The following PCDHA3 variants were observed in gnomAD, a reference collection of about 807,000 sequenced individuals.
PCDHA3 encodes the protein protocadherin alpha 3, also known as protocadherin alpha-3.
In PCDHA3, 41 loss-of-function variants were observed where a neutral mutation model predicts 62.2. The observed-to-expected ratio is 0.66, with a 90% CI of 0.51 to 0.86. The LOEUF (loss-of-function observed/expected upper bound fraction) is 0.86, where lower values mean the gene tolerates loss of function less well. Ranked by LOEUF, PCDHA3 falls within the 40% of genes least tolerant of loss-of-function variation. The pLI is 0.00. For missense variants in PCDHA3, 1,304 were observed against 1,241.2 expected, an observed-to-expected ratio of 1.05 and a Z score of -0.76; for synonymous variants, 640 against 555.4, an observed-to-expected ratio of 1.15 and a Z score of -2.14.
At chr5:140,824,200 T>G (rs2150133192) in intron 1 of PCDHA3, 1 of 1,596,192 alleles carries the variant, frequency 6.3e-7, no homozygotes, top group Non-Finnish European at 8.6e-7. Flanking sequence ...TCACCCACTT[T>G]TTTTGTATTT....
At chr5:140,910,925 TA>T (rs2075234137) in intron 1 of PCDHA3, among the ~76,000 whole-genome samples, 2 of 152,226 alleles carry the variant, frequency 1.3e-5, no homozygotes, top group South Asian at 4.2e-4. Flanking sequence ...CTTATATAAA[TA>T]AGAAAGCTCA....
chr5:140,823,089 C>T, intron 1 of PCDHA3: 1 of 1,614,036 alleles, frequency 6.2e-7, no homozygotes, highest in Non-Finnish European at 8.5e-7. Context: ...GGGCCACCGC[C>T]AGCGTGTCTG....
At chr5:140,841,928 G>A in intron 1 of PCDHA3, 2 of 1,613,910 alleles carry the variant, frequency 1.2e-6, no homozygotes, top group Admixed American at 1.7e-5. Context: ...CTTGGACAGA[G>A]AGGACGCTCC....
chr5:140,925,570 A>G (rs531387558), intron 1 of PCDHA3, among the ~76,000 whole-genome samples: 1 of 152,008 alleles, frequency 6.6e-6, no homozygotes, highest in African/African-American at 2.4e-5. Flanking sequence ...TGGGTGCAGC[A>G]CACCAACATG....
chr5:140,882,451 G>C, intron 1 of PCDHA3: 1 of 1,614,040 alleles, frequency 6.2e-7, no homozygotes. Flanking sequence ...AGCTGGTGCC[G>C]CGCCTGTTCC....
intron 1 of PCDHA3, chr5:140,805,739 T>C (rs1763624426): frequency 3.2e-6 from 1 of 316,764 alleles, no homozygotes; most frequent in Non-Finnish European, 4.6e-6. Context: ...GTTTTCAACA[T>C]TGAACTTGAA....
chr5:140,969,283 T>A, intron 1 of PCDHA3: 61 of 1,614,200 alleles, frequency 3.8e-5, no homozygotes, highest in Non-Finnish European at 5.2e-5. Flanking sequence ...GTGGTCAGAA[T>A]GCTGGGAACC....
chr5:140,871,022 A>ACT, intron 1 of PCDHA3: 1 of 1,613,114 alleles, frequency 6.2e-7, no homozygotes, highest in Non-Finnish European at 8.5e-7. Flanking sequence ...GACGAGGCAG[A>ACT]CTCGCCGCGC....
At chr5:140,811,968 G>A (rs2126633467) in intron 1 of PCDHA3, 8 of 150,734 alleles carry the variant, frequency 5.3e-5, no homozygotes, top group Non-Finnish European at 7.4e-5. Context: ...CACTCTGATT[G>A]TAGTTTCTTT....
chr5:140,849,832 C>G lies in PCDHA3; in HGVS notation c.2394+46241C>G. The G allele has an allele frequency of 6.3e-7, 1 of 1,598,398 alleles. No individual in the cohort carries two copies. The highest frequency in any genetic ancestry group is 1.1e-5 in the South Asian group (1 of 90,532). On this transcript the variant is annotated intron_variant, in intron 1 of 3. Coordinates refer to ENST00000522353, the MANE Select transcript of PCDHA3 (RefSeq NM_018906.3). ...ACGGCCAGGGTGTCTGTGGAGGTGGCCGACGTGAACGACAACGCACCAGCG... is the reference window on the plus strand; with the variant it reads ...ACGGCCAGGGTGTCTGTGGAGGTGGGCGACGTGAACGACAACGCACCAGCG...
At chr5:140,881,399 T>A in intron 1 of PCDHA3, 1 of 975,578 alleles carries the variant, frequency 1.0e-6, no homozygotes, top group Non-Finnish European at 1.2e-6. Flanking sequence ...TTAAATTCTA[T>A]TAAATCAATA....
At chr5:140,917,324 C>CGGG (rs1299895515) in intron 1 of PCDHA3, among the ~76,000 whole-genome samples, 10 of 76,182 alleles carry the variant, frequency 1.3e-4, no homozygotes, top group South Asian at 4.5e-4. Flanking sequence ...GTTCATGTGG[C>CGGG]GGGGGAGGGG....
At position 141,010,400 on chromosome 5, in the gene PCDHA3, T is replaced by C. The variant is rs145123720; in HGVS notation, c.*463T>C. 379 of 1,297,746 alleles carry C rather than the reference T, an allele frequency of 2.9e-4. No individual in the cohort carries two copies. Among genetic ancestry groups the C allele is most frequent in the Non-Finnish European group, 3.8e-4 (370 of 966,092 alleles). 80.4% of individuals were successfully genotyped at this position (1,297,746 alleles called of 1,614,324 possible). ...CAGATATTGGCTGAGACGAGCCAGC[T>C]TAGACTAATTGGTACAAGGAAGGCA... On this transcript the variant is annotated 3_prime_UTR_variant, in exon 4 of 4. Transcript: ENST00000522353.
chr5:140,901,549 A>T (rs1554189886), intron 1 of PCDHA3, among the ~76,000 whole-genome samples: 1 of 152,052 alleles, frequency 6.6e-6, no homozygotes, highest in Non-Finnish European at 1.5e-5. Context: ...ATTCTGTTCC[A>T]TTCATCTATG....
intron 1 of PCDHA3, among the ~76,000 whole-genome samples, chr5:140,919,389 TG>T (rs2079114384): frequency 6.6e-6 from 1 of 152,242 alleles, no homozygotes; most frequent in African/African-American, 2.4e-5. Context: ...AGTTGGATGT[TG>T]TTTTCCTAAA....
chr5:140,892,489 G>A (rs1554185225), intron 1 of PCDHA3, among the ~76,000 whole-genome samples: 1 of 152,180 alleles, frequency 6.6e-6, no homozygotes, highest in Non-Finnish European at 1.5e-5. Context: ...CCAAACATGA[G>A]AGATTGTTTA....
At chr5:140,862,809 G>A in intron 1 of PCDHA3, 1 of 572,722 alleles carries the variant, frequency 1.7e-6, no homozygotes, top group Non-Finnish European at 3.4e-6. Context: ...AGCTGCTGCA[G>A]TTCTAGGTGA....
At position 140,851,049 on chromosome 5, in the gene PCDHA3, T is replaced by C. The variant is rs114642351; in HGVS notation, c.2394+47458T>C. 2.7e-3 allele frequency: 3,765 copies of C among 1,386,504 alleles called. 305 individuals are homozygous for C. The highest frequency in any genetic ancestry group is 3.1e-3 in the Non-Finnish European group (3,266 of 1,057,356). The allele number at this position is 1,386,504 out of a possible 1,614,324, so 85.9% of individuals were successfully genotyped here. On this transcript the variant is annotated intron_variant, in intron 1 of 3. Coordinates refer to ENST00000522353, the MANE Select transcript of PCDHA3 (RefSeq NM_018906.3). ...AACCCCTTAACATTGGAGCCGACTTTGTCTTGACTTCTAGTGAGAATTATA... is the reference window on the plus strand; with the variant it reads ...AACCCCTTAACATTGGAGCCGACTTCGTCTTGACTTCTAGTGAGAATTATA...
intron 1 of PCDHA3, among the ~76,000 whole-genome samples, chr5:140,954,835 A>G (rs1256515583): frequency 1.3e-5 from 2 of 152,146 alleles, no homozygotes; most frequent in Admixed American, 6.5e-5. Flanking sequence ...TTTTGTCATG[A>G]AATCTTTGCC....
Sources: allele counts gnomAD v4.1 joint callset (sites outside exome capture counted in the v4.1 genomes callset), GRCh38; gene constraint gnomAD v4.1.1; transcripts MANE v1.5; gene names NCBI Gene and HGNC (gene_info 2026-07-23, HGNC 2026-07-21).